Variants in ACTN2 observed in about 807,000 individuals in gnomAD.
The protein encoded by ACTN2 is alpha-actinin-2.
In ACTN2, 39 loss-of-function variants were observed where a neutral mutation model predicts 113.8. The observed-to-expected ratio is 0.34, with a 90% CI of 0.27 to 0.45. ACTN2 has a LOEUF of 0.45. Among genes scored for constraint, ACTN2 ranks in the 20% least tolerant of loss-of-function variants. The probability of loss-of-function intolerance (pLI) is 1.00; values close to 1 mark genes in which losing one functional copy is unlikely to be tolerated. For missense variants in ACTN2, 992 were observed against 1,177.9 expected, an observed-to-expected ratio of 0.84 and a Z score of 2.31; for synonymous variants, 429 against 444.1, an observed-to-expected ratio of 0.97 and a Z score of 0.43.
At chr1:236,749,406 A>G in intron 14 of ACTN2, 142 bp downstream of exon 14, 1 of 1,054,856 alleles carries the variant, frequency 9.5e-7, no homozygotes, top group Non-Finnish European at 1.4e-6. Context: ...ATTACCCTTG[A>G]ACCTTAGCTT....
chr1:236,730,698 A>G (rs11805265), intron 6 of ACTN2, among the ~76,000 whole-genome samples: 3,030 of 152,224 alleles, frequency 0.02, 96 homozygotes, highest in African/African-American at 0.069. Context: ...TCATGAATTC[A>G]CTTAATGATT....
chr1:236,753,344 A>T (rs1394246421), intron 15 of ACTN2, among the ~76,000 whole-genome samples: 1 of 152,226 alleles, frequency 6.6e-6, no homozygotes, highest in Non-Finnish European at 1.5e-5. Context: ...AAAACCAAGA[A>T]CTAACAGCAG....
chr1:236,727,935 G>C (rs1658601857), intron 6 of ACTN2, among the ~76,000 whole-genome samples, 179 bp downstream of exon 6: 1 of 152,104 alleles, frequency 6.6e-6, no homozygotes, highest in African/African-American at 2.4e-5. Flanking sequence ...AGAGTGGCCA[G>C]GAAAACACTT....
chr1:236,698,960 T>C (rs563789775), intron 1 of ACTN2, among the ~76,000 whole-genome samples: 1 of 152,318 alleles, frequency 6.6e-6, no homozygotes, highest in South Asian at 2.1e-4. Context: ...GGTGGGGAAG[T>C]GGTAGCCGGA....
intron 3 of ACTN2, among the ~76,000 whole-genome samples, chr1:236,719,883 T>G (rs1658332563): frequency 6.6e-6 from 1 of 152,192 alleles, no homozygotes; most frequent in Non-Finnish European, 1.5e-5. Context: ...TATGCAAGAT[T>G]TGTGCTTATT....
chr1:236,725,830 C>T, intron 4 of ACTN2, 103 bp from the exon 5 acceptor site: 1 of 1,004,890 alleles, frequency 1.0e-6, no homozygotes, highest in Non-Finnish European at 1.6e-6. Flanking sequence ...AAGAGACCCC[C>T]TGGGTGATCG....
rs545717349 is a variant in ACTN2 at position 236,717,838 on chromosome 1, G to A, written c.127-20G>A. On this transcript the variant is annotated intron_variant, in intron 1 of 20. Transcript: ENST00000366578. Reference sequence around the variant, plus strand: ...AAATCCGATGGACCTGTGCTAAACCGTGTTTGGTTTTCTTTGCAGACCTTC... The same window carrying A: ...AAATCCGATGGACCTGTGCTAAACCATGTTTGGTTTTCTTTGCAGACCTTC... The A allele has an allele frequency of 3.8e-5, 59 of 1,550,872 alleles. 1 individual carries two copies. Among genetic ancestry groups the A allele is most frequent in the South Asian group, 1.9e-4 (17 of 89,680 alleles).
At position 236,717,924 on chromosome 1, in the gene ACTN2, G is replaced by A. The variant is rs781118555; in HGVS notation, c.193G>A (p.Asp65Asn). 3.7e-6 allele frequency: 6 copies of A among 1,614,160 alleles called. No homozygotes were observed. The highest frequency in any genetic ancestry group is 1.1e-5 in the South Asian group (1 of 91,072). Residue 65 changes from aspartate (D) to asparagine (N), a missense_variant, in exon 2 of 21, where the codon GAC becomes AAC. Transcript: ENST00000366578. ...CACCCAGATTGAGAACATCGAGGAA[G>A]ACTTCAGGAATGGCCTTAAGCTCAT... ...AGTQIENIEE[D>N]FRNGLKLMLL...
intron 14 of ACTN2, among the ~76,000 whole-genome samples, chr1:236,750,047 T>C (rs113229911): frequency 0.024 from 3,584 of 152,318 alleles, 159 homozygotes; most frequent in African/African-American, 0.081. Context: ...TCTAAAATGT[T>C]CTGCTTATAG....
chr1:236,755,377 G>A (rs1209141015), intron 17 of ACTN2, among the ~76,000 whole-genome samples, 179 bp downstream of exon 17: 1 of 152,098 alleles, frequency 6.6e-6, no homozygotes, highest in African/African-American at 2.4e-5. Flanking sequence ...GAGCTATATC[G>A]AGGACTATAT....
Position 236,744,508 on chromosome 1 carries a change from CCT to C in ACTN2, c.1256-113_1256-112del, listed in dbSNP as rs1237664389. 9 of 1,253,740 alleles carry C rather than the reference CCT, an allele frequency of 7.2e-6. No homozygotes were observed. In the Admixed American group the frequency reaches 1.2e-4, roughly 16 times the overall value. The allele number at this position is 1,253,740 out of a possible 1,614,324, so 77.7% of individuals were successfully genotyped here. A position where few individuals can be genotyped will look rare whatever the true frequency, so the allele number is the denominator to read the frequency against. Reference sequence around the variant, plus strand: ...CCTGGCCTGCATCTTCAGTCCTGCCCCTCTCTGTCCCCTTCTCTTGGTTCTTT... The same window carrying C: ...CCTGGCCTGCATCTTCAGTCCTGCCCCTCTGTCCCCTTCTCTTGGTTCTTT... On this transcript the variant is annotated intron_variant, in intron 11 of 20. Coordinates refer to ENST00000366578, the MANE Select transcript of ACTN2 (RefSeq NM_001103.4).
At position 236,754,037 on chromosome 1, in the gene ACTN2, G is replaced by A. The variant is rs146164600; in HGVS notation, c.1930G>A (p.Ala644Thr). The A allele has an allele frequency of 1.5e-4, 237 of 1,613,984 alleles. No homozygotes were observed. The highest frequency in any genetic ancestry group is 1.8e-4 in the Non-Finnish European group (216 of 1,180,048). ...ANERLRRQFA[A>T]QANAIGPWIQ... ...CGAGCGTCTGAGGCGCCAGTTTGCT[G>A]CCCAAGCCAATGCCATTGGGCCCTG... Residue 644 changes from alanine to threonine, a missense_variant, in exon 16 of 21, where the codon GCC becomes ACC. By Grantham distance (58) the Ala-to-Thr change is moderately conservative. This residue lies in a region of ACTN2 where 736 missense variants were observed against 815.4 expected (regional missense o/e 0.90). Transcript: ENST00000366578. The surrounding 1 kb of genome is among the most constrained non-coding windows in gnomAD (Gnocchi z 4.9).
chr1:236,690,075 C>T (rs544267908), intron 1 of ACTN2, among the ~76,000 whole-genome samples: 1 of 152,280 alleles, frequency 6.6e-6, no homozygotes, highest in South Asian at 2.1e-4. Flanking sequence ...TTTTAATAGT[C>T]CCTAAAGAAA....
intron 4 of ACTN2, among the ~76,000 whole-genome samples, chr1:236,722,327 C>G (rs1442927721): frequency 6.6e-6 from 1 of 151,930 alleles, no homozygotes; most frequent in African/African-American, 2.4e-5. Flanking sequence ...AATGATGGGC[C>G]TCTTCCAAGA....
chr1:236,708,910 C>T (rs1490735944), intron 1 of ACTN2, among the ~76,000 whole-genome samples: 1 of 151,928 alleles, frequency 6.6e-6, no homozygotes, highest in African/African-American at 2.4e-5. Context: ...GTGATTTTTA[C>T]GACATATGCA....
chr1:236,725,725 G>C (rs1361022930), intron 4 of ACTN2, among the ~76,000 whole-genome samples: 2 of 152,212 alleles, frequency 1.3e-5, no homozygotes, highest in Non-Finnish European at 2.9e-5. Context: ...GCTTGTGGCT[G>C]CTCCTGCATT....
Position 236,754,198 on chromosome 1 carries a change from C to A in ACTN2, c.1974+117C>A. On this transcript the variant is annotated intron_variant, in intron 16 of 20. Coordinates refer to ENST00000366578, the MANE Select transcript of ACTN2 (RefSeq NM_001103.4). The surrounding 1 kb of genome is among the most constrained non-coding windows in gnomAD (Gnocchi z 4.9). ...AGCCACCCACTCAGTCAGGTGGGAG[C>A]ACCGTTCTGTTATCACCCCGGCTTT... 7.3e-7 allele frequency: 1 copy of A among 1,370,832 alleles called. No homozygotes were observed. Among genetic ancestry groups the A allele is most frequent in the Non-Finnish European group, 1.0e-6 (1 of 981,080 alleles). 84.9% of individuals were successfully genotyped at this position (1,370,832 alleles called of 1,614,324 possible).
At position 236,763,737 on chromosome 1, in the gene ACTN2, T is replaced by C. The variant is rs907083152; in HGVS notation, c.*1118T>C. 2.6e-5 allele frequency: 4 copies of C among 152,254 alleles called. No homozygotes were observed. The highest frequency in any genetic ancestry group is 5.9e-5 in the Non-Finnish European group (4 of 68,062). 9.4% of individuals were successfully genotyped at this position (152,254 alleles called of 1,614,324 possible). On this transcript the variant is annotated 3_prime_UTR_variant, in exon 21 of 21. Transcript: ENST00000366578. ...GTGCGGTGTGTGTTCACCCCTGGGATTGGACAGTGTATCCTAACAAGTCCC... is the reference window on the plus strand; with the variant it reads ...GTGCGGTGTGTGTTCACCCCTGGGACTGGACAGTGTATCCTAACAAGTCCC...
At chr1:236,753,800 C>T in intron 15 of ACTN2, 147 bp from the exon 16 acceptor site, 1 of 998,568 alleles carries the variant, frequency 1.0e-6, no homozygotes, top group Non-Finnish European at 1.6e-6. Flanking sequence ...CCTCCCTATC[C>T]TCCCTCTTCC....
Sources: allele counts gnomAD v4.1 joint callset (sites outside exome capture counted in the v4.1 genomes callset), GRCh38; gene constraint gnomAD v4.1.1; regional missense constraint gnomAD v4.1.1; non-coding constraint Gnocchi (gnomAD v3.1); transcripts MANE v1.5; gene names NCBI Gene and HGNC (gene_info 2026-07-23, HGNC 2026-07-21).